The following FANCC variants were observed in gnomAD, a reference collection of about 807,000 sequenced individuals.
The protein encoded by FANCC is Fanconi anemia group C protein.
A neutral mutation model predicts 71.3 loss-of-function variants in FANCC; 55 were observed. The observed-to-expected ratio is 0.77, with a 90% confidence interval of 0.62 to 0.97. FANCC has a LOEUF of 0.97. Among genes scored for constraint, FANCC ranks in the 50% least tolerant of loss-of-function variants. The pLI is 0.00. For missense variants in FANCC, 678 were observed against 670.9 expected (o/e 1.01, Z -0.12); for synonymous variants, 275 against 244.9 (o/e 1.12, Z -1.15).
chr9:95,114,109 C>A, intron 12 of FANCC: 1 of 185,416 alleles, frequency 5.4e-6, no homozygotes, highest in Non-Finnish European at 1.2e-5. Context: ...ACAAACCAAC[C>A]AACCCAGAAT....
At chr9:95,232,421 G>A (rs991613915) in intron 4 of FANCC, among the ~76,000 whole-genome samples, 7 of 152,190 alleles carry the variant, frequency 4.6e-5, no homozygotes, top group Admixed American at 1.3e-4. Flanking sequence ...CTGGGAAGAA[G>A]GATGCCTTAT....
At chr9:95,111,226 T>G in intron 13 of FANCC, 1 of 1,536,872 alleles carries the variant, frequency 6.5e-7, no homozygotes, top group Non-Finnish European at 8.7e-7. Flanking sequence ...AGGGTCTTCG[T>G]TTTGCAGGAG....
chr9:95,159,546 C>T (rs1830632085), intron 6 of FANCC, among the ~76,000 whole-genome samples: 1 of 152,064 alleles, frequency 6.6e-6, no homozygotes, highest in Admixed American at 6.5e-5. Context: ...GGGTATATAC[C>T]CAGTAATGGG....
intron 4 of FANCC, among the ~76,000 whole-genome samples, chr9:95,182,363 AC>A (rs1290333491): frequency 3.3e-5 from 5 of 152,220 alleles, no homozygotes; most frequent in African/African-American, 1.2e-4. Flanking sequence ...TACTAAAAAT[AC>A]AAAAAATTAG....
chr9:95,284,372 G>A (rs924189005), intron 1 of FANCC, among the ~76,000 whole-genome samples: 2 of 152,184 alleles, frequency 1.3e-5, no homozygotes, highest in Non-Finnish European at 2.9e-5. Flanking sequence ...AGACAGTTTG[G>A]TCGGCTGTCA....
intron 8 of FANCC, among the ~76,000 whole-genome samples, chr9:95,131,828 C>T (rs188210153): frequency 2.6e-5 from 4 of 152,234 alleles, no homozygotes; most frequent in African/African-American, 9.6e-5. Flanking sequence ...GGAGGAGCTG[C>T]ATACTGGGAG....
intron 6 of FANCC, among the ~76,000 whole-genome samples, chr9:95,168,564 T>C (rs1249344878): frequency 6.6e-6 from 1 of 152,222 alleles, no homozygotes. Context: ...GGCACCTTGC[T>C]CTGTTGCCCA....
At chr9:95,314,125 A>G (rs1415334857) in intron 1 of FANCC, among the ~76,000 whole-genome samples, 1 of 152,270 alleles carries the variant, frequency 6.6e-6, no homozygotes, top group Non-Finnish European at 1.5e-5. Flanking sequence ...AGGCATCCAC[A>G]TGGAAAGAAA....
intron 4 of FANCC, among the ~76,000 whole-genome samples, chr9:95,207,386 C>T (rs1588281751): frequency 6.6e-6 from 1 of 152,236 alleles, no homozygotes; most frequent in African/African-American, 2.4e-5. Context: ...AACCTTTCAT[C>T]TGGAGGACAG....
At chr9:95,301,375 T>C (rs1252295898) in intron 1 of FANCC, among the ~76,000 whole-genome samples, 2 of 152,182 alleles carry the variant, frequency 1.3e-5, no homozygotes, top group Non-Finnish European at 2.9e-5. Context: ...ACAGGAAGTC[T>C]TCAAAAATAA....
intron 4 of FANCC, among the ~76,000 whole-genome samples, chr9:95,232,132 G>A (rs972226276): frequency 6.6e-6 from 1 of 152,150 alleles, no homozygotes; most frequent in African/African-American, 2.4e-5. Context: ...GGCATGTCAC[G>A]CAGCCAGAGC....
At chr9:95,316,432 G>GT (rs1473038562) in intron 1 of FANCC, among the ~76,000 whole-genome samples, 1 of 152,220 alleles carries the variant, frequency 6.6e-6, no homozygotes, top group East Asian at 1.9e-4. Context: ...TTTCAGGGGA[G>GT]TAAGGAGAAA....
rs2071012545 is a variant in FANCC at position 95,099,552 on chromosome 9, C to T, written c.*2155G>A. The T allele has an allele frequency of 4.3e-6, 1 of 230,738 alleles. No homozygotes were observed. The highest frequency in any genetic ancestry group is 2.2e-5 in the African/African-American group (1 of 45,158). 14.3% of individuals were successfully genotyped at this position (230,738 alleles called of 1,614,324 possible). A position where few individuals can be genotyped will look rare whatever the true frequency, so the allele number is the denominator to read the frequency against. On this transcript the variant is annotated 3_prime_UTR_variant, in exon 15 of 15. Transcript: ENST00000289081. ...CTTAAGAGTGCCTGCCCGGCCGCCA[C>T]CTGTCTTGGAGGTGGAGGGAATGGC...
intron 7 of FANCC, among the ~76,000 whole-genome samples, chr9:95,136,226 C>T (rs1474356948): frequency 6.6e-6 from 1 of 151,150 alleles, no homozygotes; most frequent in Non-Finnish European, 1.5e-5. Context: ...CCTGCTTCTA[C>T]AAAAAAAAAT....
intron 11 of FANCC, 83 bp downstream of exon 11, chr9:95,117,232 A>G (rs2072492359): frequency 8.5e-7 from 1 of 1,177,564 alleles, no homozygotes; most frequent in East Asian, 2.3e-5. Flanking sequence ...TGCTGTAGAT[A>G]AGGGCCTGAT....
intron 14 of FANCC, 104 bp downstream of exon 14, chr9:95,106,962 T>C: frequency 8.8e-7 from 1 of 1,130,918 alleles, no homozygotes; most frequent in Non-Finnish European, 1.3e-6. Flanking sequence ...CTGGGCAGCA[T>C]CCTGGTACAC....
At chr9:95,285,135 A>G (rs1328104855) in intron 1 of FANCC, among the ~76,000 whole-genome samples, 1 of 152,146 alleles carries the variant, frequency 6.6e-6, no homozygotes, top group Non-Finnish European at 1.5e-5. Flanking sequence ...AATAATATAA[A>G]GGAATTGAGA....
rs931513834 is a variant in FANCC at position 95,100,687 on chromosome 9, G to A, written c.*1020C>T. ...GCTCTGTTGCCCAGGCTGGAGTGCA[G>A]TGTCATGATCTCGGCTCACTACAAC... On this transcript the variant is annotated 3_prime_UTR_variant, in exon 15 of 15. Coordinates refer to ENST00000289081, the MANE Select transcript of FANCC (RefSeq NM_000136.3). The A allele has an allele frequency of 1.7e-5, 4 of 229,208 alleles. No individual in the cohort carries two copies. The highest frequency in any genetic ancestry group is 8.8e-5 in the African/African-American group (4 of 45,252). The allele number at this position is 229,208 out of a possible 1,614,324, so 14.2% of individuals were successfully genotyped here. A position where few individuals can be genotyped will look rare whatever the true frequency, so the allele number is the denominator to read the frequency against.
chr9:95,201,319 C>A (rs1490126872), intron 4 of FANCC, among the ~76,000 whole-genome samples: 1 of 152,076 alleles, frequency 6.6e-6, no homozygotes, highest in Non-Finnish European at 1.5e-5. Flanking sequence ...CTCTGTGAAA[C>A]TAGTACAGGA....
Sources: allele counts gnomAD v4.1 joint callset (sites outside exome capture counted in the v4.1 genomes callset), GRCh38; gene constraint gnomAD v4.1.1; transcripts MANE v1.5; gene names NCBI Gene and HGNC (gene_info 2026-07-23, HGNC 2026-07-21).